The following RAD51C variants were observed in gnomAD, a reference collection of about 807,000 sequenced individuals.
RAD51C encodes DNA repair protein RAD51 homolog 3.
RAD51C carries 42 observed loss-of-function variants against 45.0 expected under a neutral mutation model. The observed-to-expected ratio is 0.93, with a 90% CI of 0.73 to 1.21. The LOEUF (loss-of-function observed/expected upper bound fraction) is 1.21, where lower values mean the gene tolerates loss of function less well. Ranked by LOEUF, RAD51C falls within the 50% of genes most tolerant of loss-of-function variation. The probability of loss-of-function intolerance (pLI) is 0.00; values close to 1 mark genes in which losing one functional copy is unlikely to be tolerated. For missense variants in RAD51C, 474 were observed against 452.2 expected, an observed-to-expected ratio of 1.05 and a Z score of -0.44; for synonymous variants, 172 against 159.8, an observed-to-expected ratio of 1.08 and a Z score of -0.58.
chr17:58,713,524 A>G (rs2048629876), intron 5 of RAD51C, among the ~76,000 whole-genome samples: 1 of 151,900 alleles, frequency 6.6e-6, no homozygotes, highest in African/African-American at 2.4e-5. Flanking sequence ...AATTTTTTGT[A>G]GAGGCTGGGC....
At chr17:58,710,709 G>C (rs1477720202) in intron 5 of RAD51C, among the ~76,000 whole-genome samples, 1 of 152,126 alleles carries the variant, frequency 6.6e-6, no homozygotes, top group Non-Finnish European at 1.5e-5. Context: ...CAACCTAGAT[G>C]CTTTGAGGTA....
intron 7 of RAD51C, among the ~76,000 whole-genome samples, chr17:58,728,090 A>G (rs2049242981): frequency 2.0e-5 from 3 of 151,770 alleles, no homozygotes; most frequent in African/African-American, 7.3e-5. Flanking sequence ...TAAAAATACA[A>G]AAAAATTAGC....
rs34517797 is a variant in RAD51C, at chr17:58,734,588, G to GTTTTT, written c.*385_*389dup. The stretch of plus-strand genomic sequence containing the variant: ...AAGAAACATATCATATTCTTATTGT[G>GTTTTT]TTTTTTTTTTTTTTTTTTTTTTTGG... On this transcript the variant is annotated 3_prime_UTR_variant, in exon 9 of 9. Coordinates refer to ENST00000337432, the MANE Select transcript of RAD51C (RefSeq NM_058216.3). 1.7e-4 allele frequency: 17 copies of GTTTTT among 102,494 alleles called. No homozygotes were observed. Among genetic ancestry groups the GTTTTT allele is most frequent in the East Asian group, 5.9e-4 (2 of 3,398 alleles). 6.3% of individuals were successfully genotyped at this position (102,494 alleles called of 1,614,324 possible).
At chr17:58,697,801 C>T (rs556645078) in intron 3 of RAD51C, among the ~76,000 whole-genome samples, 3 of 151,810 alleles carry the variant, frequency 2.0e-5, no homozygotes, top group South Asian at 4.2e-4. Flanking sequence ...CAACTTCCAC[C>T]TCCTGGGTTC....
intron 3 of RAD51C, among the ~76,000 whole-genome samples, chr17:58,700,673 C>G (rs562655340): frequency 6.6e-6 from 1 of 152,152 alleles, no homozygotes; most frequent in Admixed American, 6.6e-5. Flanking sequence ...ATCTCCTGAC[C>G]TCATGATCTG....
chr17:58,719,043 T>C (rs1390806763), intron 5 of RAD51C, among the ~76,000 whole-genome samples: 13 of 152,044 alleles, frequency 8.6e-5, no homozygotes, highest in Non-Finnish European at 1.5e-5. Flanking sequence ...GCCAACATGG[T>C]AAAACCCCAT....
At chr17:58,729,371 C>A (rs1667424938) in intron 7 of RAD51C, among the ~76,000 whole-genome samples, 1 of 151,888 alleles carries the variant, frequency 6.6e-6, no homozygotes, top group Non-Finnish European at 1.5e-5. Flanking sequence ...GCATGCACCA[C>A]CACGCCTGGC....
intron 5 of RAD51C, among the ~76,000 whole-genome samples, chr17:58,717,491 C>T (rs1302719426): frequency 1.3e-5 from 2 of 152,000 alleles, no homozygotes; most frequent in African/African-American, 4.8e-5. Context: ...GTAATCCTAG[C>T]ACTTTGGGAG....
chr17:58,714,507 G>C (rs1454215910), intron 5 of RAD51C, among the ~76,000 whole-genome samples: 1 of 152,144 alleles, frequency 6.6e-6, no homozygotes, highest in Non-Finnish European at 1.5e-5. Context: ...CGCCCAGGTT[G>C]GAGTGCCATG....
At chr17:58,718,245 G>A (rs1423519370) in intron 5 of RAD51C, among the ~76,000 whole-genome samples, 3 of 152,062 alleles carry the variant, frequency 2.0e-5, no homozygotes, top group Non-Finnish European at 4.4e-5. Flanking sequence ...TGATCTACCT[G>A]CCTCGGCCTC....
chr17:58,726,105 A>G (rs2049113708), intron 7 of RAD51C, among the ~76,000 whole-genome samples: 1 of 151,456 alleles, frequency 6.6e-6, no homozygotes, highest in Non-Finnish European at 1.5e-5. Context: ...ATCTCATAAG[A>G]TCATTTTTTT....
intron 7 of RAD51C, among the ~76,000 whole-genome samples, chr17:58,726,169 G>C (rs1208470094): frequency 6.6e-6 from 1 of 151,330 alleles, no homozygotes; most frequent in Non-Finnish European, 1.5e-5. Flanking sequence ...GTGAGTGCTT[G>C]CTTGTGCTAG....
intron 6 of RAD51C, 86 bp downstream of exon 6, chr17:58,720,898 C>T: frequency 2.7e-6 from 3 of 1,100,278 alleles, no homozygotes; most frequent in South Asian, 2.6e-5. Context: ...CTATACGCTT[C>T]ATGAAAGCAG....
intron 1 of RAD51C, chr17:58,694,471 T>C (rs1431561589): frequency 1.2e-5 from 2 of 173,082 alleles, no homozygotes; most frequent in Non-Finnish European, 2.5e-5. Flanking sequence ...ATACCTTTAT[T>C]AAGCTGAATT....
At chr17:58,728,779 C>T (rs1271412141) in intron 7 of RAD51C, among the ~76,000 whole-genome samples, 2 of 152,200 alleles carry the variant, frequency 1.3e-5, no homozygotes, top group East Asian at 3.8e-4. Flanking sequence ...CCCTGTCCTT[C>T]ACCAGTAACA....
chr17:58,692,919 G>A (rs2047832303), intron 1 of RAD51C, 131 bp downstream of exon 1: 3 of 1,346,776 alleles, frequency 2.2e-6, no homozygotes, highest in Non-Finnish European at 3.1e-6. Context: ...TGTTTACAGC[G>A]TGAAAGAGCT....
In RAD51C at chr17:58,724,218, A is replaced by G. The variant is rs746933765; in HGVS notation, c.965+118A>G. 2.0e-5 allele frequency: 19 copies of G among 968,378 alleles called. No homozygotes were observed. The African/African-American group carries it at 2.9e-4, about 15-fold the overall frequency. 60.0% of individuals were successfully genotyped at this position (968,378 alleles called of 1,614,324 possible). On this transcript the variant is annotated intron_variant, in intron 7 of 8. Transcript: ENST00000337432. ...GATATACAGTGACCCATGAAGTGAC[A>G]CTTTTGTTGCCTTGTCTGATATCAC...
At chr17:58,733,981 G>A (rs1281725186) in intron 8 of RAD51C, 137 bp from the exon 9 acceptor site, 17 of 1,336,324 alleles carry the variant, frequency 1.3e-5, no homozygotes, top group Middle Eastern at 2.7e-4. Flanking sequence ...CTCCCAAAGT[G>A]CTGGGATTAC....
At chr17:58,697,991 C>T (rs1020076319) in intron 3 of RAD51C, among the ~76,000 whole-genome samples, 5 of 151,992 alleles carry the variant, frequency 3.3e-5, no homozygotes, top group East Asian at 3.9e-4. Flanking sequence ...GGATTACGGG[C>T]GTGAGCCACC....
Sources: gnomAD v4.1 joint callset for allele counts (sites outside exome capture counted in the v4.1 genomes callset) on GRCh38, gnomAD v4.1.1 for gene constraint, MANE v1.5 for transcripts, NCBI Gene and HGNC (gene_info 2026-07-23, HGNC 2026-07-21) for gene names.